Variants in PDE7B observed in about 807,000 individuals in gnomAD.
PDE7B encodes the protein phosphodiesterase 7B, also known as 3',5'-cyclic-AMP phosphodiesterase 7B.
Under a neutral mutation model 56.2 loss-of-function variants are expected in PDE7B, and 29 were observed. The observed-to-expected ratio is 0.52, with a 90% CI of 0.38 to 0.70. PDE7B has a LOEUF of 0.70. Among genes scored for constraint, PDE7B ranks in the 30% least tolerant of loss-of-function variants. The pLI is 0.00. For synonymous variants in PDE7B, 197 were observed against 196.9 expected, an observed-to-expected ratio of 1.00 and a Z score of 0.00; for missense variants, 490 against 565.0, an observed-to-expected ratio of 0.87 and a Z score of 1.35.
Position 136,043,490 on chromosome 6 carries a change from G to A in PDE7B, c.83-65241G>A, listed in dbSNP as rs909517161. On this transcript the variant is annotated intron_variant, in intron 2 of 12. Transcript: ENST00000308191. ...CCCTGGGTGGGTACTTCACCTCTCG[G>A]TGCCTCAGTTTCTTCTTATGTAAAA... 3.2e-4 allele frequency among the ~76,000 whole-genome samples: 48 copies of A among 149,878 alleles called. 1 individual carries two copies. Among genetic ancestry groups the A allele is most frequent in the African/African-American group, 1.1e-3 (44 of 40,598 alleles).
intron 1 of PDE7B, among the ~76,000 whole-genome samples, chr6:135,889,813 C>T (rs191508871): frequency 8.1e-4 from 106 of 131,022 alleles, no homozygotes; most frequent in African/African-American, 6.6e-4. Context: ...GTGCAAATGA[C>T]GCGATCTCAG....
intron 2 of PDE7B, chr6:136,037,631 T>C (rs1201059181): frequency 1.0e-6 from 1 of 985,428 alleles, no homozygotes; most frequent in Non-Finnish European, 1.2e-6. Flanking sequence ...TGAGAACTCC[T>C]TGGGGCTTGC....
At chr6:135,999,405 T>C (rs1437257941) in intron 2 of PDE7B, among the ~76,000 whole-genome samples, 1 of 152,106 alleles carries the variant, frequency 6.6e-6, no homozygotes, top group Non-Finnish European at 1.5e-5. Context: ...TTTTTTCTTC[T>C]CTCCCTCCTC....
Position 136,191,858 on chromosome 6 carries a change from ACG to A in PDE7B, c.*21_*22del. ...GCCCCTAGGGGCCGGCCCAACTTAG[ACG>A]CGGCTCTCCTCCGGCAGGGCCCCCA... On this transcript the variant is annotated 3_prime_UTR_variant, in exon 13 of 13. Coordinates refer to ENST00000308191, the MANE Select transcript of PDE7B (RefSeq NM_018945.4). 1 of 1,536,244 alleles carries A rather than the reference ACG, an allele frequency of 6.5e-7. No homozygotes were observed. The highest frequency in any genetic ancestry group is 8.8e-7 in the Non-Finnish European group (1 of 1,136,240).
chr6:135,952,179 T>C (rs901113328), intron 2 of PDE7B, among the ~76,000 whole-genome samples: 4 of 152,086 alleles, frequency 2.6e-5, no homozygotes, highest in Non-Finnish European at 4.4e-5. Context: ...CTAAATATTG[T>C]GTATGCATCA....
At chr6:136,083,819 C>T (rs943146814) in intron 2 of PDE7B, among the ~76,000 whole-genome samples, 15 of 152,128 alleles carry the variant, frequency 9.9e-5, no homozygotes, top group Non-Finnish European at 1.9e-4. Context: ...CTCTCTCTCT[C>T]TCCTCCCACA....
chr6:136,138,307 T>C (rs1778251321), intron 3 of PDE7B, among the ~76,000 whole-genome samples: 1 of 152,146 alleles, frequency 6.6e-6, no homozygotes, highest in Non-Finnish European at 1.5e-5. Context: ...ATATCAGATC[T>C]TTATCAATAA....
At chr6:135,866,909 G>A (rs990084150) in intron 1 of PDE7B, among the ~76,000 whole-genome samples, 7 of 152,114 alleles carry the variant, frequency 4.6e-5, no homozygotes, top group Admixed American at 6.5e-5. Context: ...GTAAAATTCT[G>A]GTCTAGTTAT....
intron 2 of PDE7B, among the ~76,000 whole-genome samples, chr6:136,099,102 A>G (rs1048100752): frequency 1.3e-5 from 2 of 151,688 alleles, no homozygotes; most frequent in Non-Finnish European, 2.9e-5. Context: ...AAAGTACATG[A>G]ACTTATCCTT....
At position 136,023,624 on chromosome 6, in the gene PDE7B, G is replaced by T. The variant is rs758075686; in HGVS notation, c.82+76100G>T. 3.9e-5 allele frequency among the ~76,000 whole-genome samples: 6 copies of T among 152,118 alleles called. 1 individual carries two copies. The highest frequency in any genetic ancestry group is 3.3e-4 in the Admixed American group (5 of 15,270). On this transcript the variant is annotated intron_variant, in intron 2 of 12. Coordinates refer to ENST00000308191, the MANE Select transcript of PDE7B (RefSeq NM_018945.4). ...ATCCTGATTTTCTGAAAGTGAGGAA[G>T]AAAGCTAGCTATTTTTTGACTCTAT... is the stretch of plus-strand genomic sequence containing the variant.
At chr6:135,920,890 G>A (rs1369900664) in intron 1 of PDE7B, among the ~76,000 whole-genome samples, 4 of 152,184 alleles carry the variant, frequency 2.6e-5, no homozygotes, top group Non-Finnish European at 4.4e-5. Flanking sequence ...GGGGGATGAC[G>A]TCACTGCGGG....
chr6:135,883,883 G>T (rs535659016), intron 1 of PDE7B, among the ~76,000 whole-genome samples: 51 of 152,324 alleles, frequency 3.3e-4, no homozygotes, highest in African/African-American at 1.2e-3. Flanking sequence ...TTAATTATCA[G>T]GTTCTGCCCA....
intron 2 of PDE7B, among the ~76,000 whole-genome samples, chr6:136,015,053 G>A (rs1362979460): frequency 2.6e-5 from 4 of 152,180 alleles, no homozygotes; most frequent in African/African-American, 7.2e-5. Context: ...ACACAGACAC[G>A]CACACAGAAT....
chr6:135,919,847 T>C (rs1774036873), intron 1 of PDE7B, among the ~76,000 whole-genome samples: 1 of 152,218 alleles, frequency 6.6e-6, no homozygotes, highest in Admixed American at 6.5e-5. Context: ...GCCCCTCACA[T>C]TGTAAGCACT....
chr6:136,009,467 G>A (rs1308541185), intron 2 of PDE7B, among the ~76,000 whole-genome samples: 7 of 152,142 alleles, frequency 4.6e-5, no homozygotes, highest in East Asian at 1.9e-4. Flanking sequence ...CTACTCATGA[G>A]CATGGAATGT....
At chr6:136,140,610 T>C (rs1778305882) in intron 3 of PDE7B, among the ~76,000 whole-genome samples, 1 of 152,218 alleles carries the variant, frequency 6.6e-6, no homozygotes, top group African/African-American at 2.4e-5. Flanking sequence ...GAGCATGGAA[T>C]GTTCTTCCAT....
At chr6:136,030,683 T>C (rs1776233470) in intron 2 of PDE7B, among the ~76,000 whole-genome samples, 1 of 152,346 alleles carries the variant, frequency 6.6e-6, no homozygotes, top group Non-Finnish European at 1.5e-5. Flanking sequence ...TTTACATAAA[T>C]CTTTAATAAA....
chr6:136,104,652 G>A (rs572060181), intron 2 of PDE7B, among the ~76,000 whole-genome samples: 2 of 152,250 alleles, frequency 1.3e-5, no homozygotes, highest in East Asian at 3.9e-4. Context: ...CTACATGAGC[G>A]CTTCCATTAA....
intron 8 of PDE7B, chr6:136,166,484 TG>T: frequency 6.4e-6 from 1 of 156,456 alleles, no homozygotes; most frequent in Non-Finnish European, 1.4e-5. Context: ...GCTTGGCTTC[TG>T]GGGAGACCTT....
Sources: gnomAD v4.1 joint callset for allele counts (sites outside exome capture counted in the v4.1 genomes callset) on GRCh38, gnomAD v4.1.1 for gene constraint, MANE v1.5 for transcripts, NCBI Gene and HGNC (gene_info 2026-07-23, HGNC 2026-07-21) for gene names.